The following C1QTNF9 variants were observed in gnomAD, a reference collection of about 807,000 sequenced individuals.
The protein encoded by C1QTNF9 is C1q and TNF related 9.
Under a neutral mutation model 10.1 loss-of-function variants are expected in C1QTNF9, and 6 were observed. The ratio of observed to expected loss-of-function variants is 0.59; its 90% CI spans 0.32 to 1.17. C1QTNF9 has a LOEUF of 1.17. Among genes scored for constraint, C1QTNF9 ranks in the 50% most tolerant of loss-of-function variants. The pLI, the probability that C1QTNF9 is intolerant of heterozygous loss-of-function variation, is 0.04. For missense variants in C1QTNF9, 201 were observed against 418.8 expected, an observed-to-expected ratio of 0.48 and a Z score of 4.54; for synonymous variants, 98 against 163.5, an observed-to-expected ratio of 0.60 and a Z score of 3.06.
At chr13:24,314,415 G>A (rs927105152) in intron 1 of C1QTNF9, among the ~76,000 whole-genome samples, 25 of 152,134 alleles carry the variant, frequency 1.6e-4, no homozygotes, top group Admixed American at 5.2e-4. Context: ...ATAGGCAATG[G>A]CTCATGCCTG....
At chr13:24,318,056 C>T (rs1052911917) in intron 2 of C1QTNF9, among the ~76,000 whole-genome samples, 3 of 152,194 alleles carry the variant, frequency 2.0e-5, no homozygotes, top group African/African-American at 4.8e-5. Context: ...ACAGCCACGT[C>T]AGTGGGTCTG....
intron 1 of C1QTNF9, among the ~76,000 whole-genome samples, chr13:24,313,633 C>T (rs1283305343): frequency 6.6e-6 from 1 of 152,178 alleles, no homozygotes; most frequent in Admixed American, 6.5e-5. Context: ...ACTCCATTTG[C>T]ATTAGACTGC....
intron 2 of C1QTNF9, among the ~76,000 whole-genome samples, chr13:24,316,968 AC>A (rs1404898007): frequency 1.3e-5 from 2 of 152,152 alleles, no homozygotes; most frequent in Non-Finnish European, 2.9e-5. Context: ...ACTTCTATGG[AC>A]CTTTTTAAAG....
chr13:24,316,546 T>C (rs1878046395), intron 2 of C1QTNF9, among the ~76,000 whole-genome samples: 1 of 152,202 alleles, frequency 6.6e-6, no homozygotes, highest in Non-Finnish European at 1.5e-5. Flanking sequence ...AAAAGGCTAA[T>C]AGAGAGATCT....
intron 1 of C1QTNF9, 62 bp downstream of exon 1, chr13:24,309,678 C>T (rs745416570): frequency 2.0e-5 from 3 of 152,100 alleles, no homozygotes; most frequent in East Asian, 1.9e-4. Flanking sequence ...CCTAAAACAA[C>T]GCTTATATTA....
chr13:24,318,870 G>T (rs1878144623), exon 3 of C1QTNF9: 1 of 1,614,098 alleles, frequency 6.2e-7, no homozygotes, highest in African/African-American at 1.3e-5. Flanking sequence ...GTGGAGAGAA[G>T]GGAGAACGAG....
In C1QTNF9 at chr13:24,319,071, G is replaced by T. The variant is rs548114315; in HGVS notation, c.229+191G>T. 2.6e-5 allele frequency among the ~76,000 whole-genome samples: 4 copies of T among 152,120 alleles called. No individual in the cohort carries two copies. In the East Asian group the frequency reaches 7.7e-4, roughly 29 times the overall value. On this transcript the variant is annotated intron_variant, in intron 3 of 3. Transcript: ENST00000332018. ...CTGGGTAGTAAATATTCTCAACTCCGCAGGCCATACAGATCTGTCACCACT... is the reference window on the plus strand; with the variant it reads ...CTGGGTAGTAAATATTCTCAACTCCTCAGGCCATACAGATCTGTCACCACT...
upstream of C1QTNF9, among the ~76,000 whole-genome samples, chr13:24,308,324 G>C (rs1442394704): frequency 6.6e-6 from 1 of 152,196 alleles, no homozygotes; most frequent in Non-Finnish European, 1.5e-5. Context: ...GGCCGCCTGC[G>C]GTGCAGGGGT....
At chr13:24,317,584 T>C (rs1878089903) in intron 2 of C1QTNF9, among the ~76,000 whole-genome samples, 1 of 151,108 alleles carries the variant, frequency 6.6e-6, no homozygotes. Context: ...TTGCTCACAC[T>C]AAAAATTTAC....
At chr13:24,321,615 T>C in exon 4 of C1QTNF9, 1 of 1,614,222 alleles carries the variant, frequency 6.2e-7, no homozygotes, top group Non-Finnish European at 8.5e-7. Flanking sequence ...ACATGAGCTC[T>C]GAGGACCAGG....
upstream of C1QTNF9, among the ~76,000 whole-genome samples, chr13:24,308,405 CAG>C (rs1354120585): frequency 2.0e-5 from 3 of 152,224 alleles, no homozygotes; most frequent in Non-Finnish European, 4.4e-5. Context: ...AGCTGGGACT[CAG>C]GGGCTCCTTG....
intron 1 of C1QTNF9, among the ~76,000 whole-genome samples, chr13:24,309,917 A>T (rs1469660684): frequency 5.3e-5 from 8 of 152,036 alleles, no homozygotes; most frequent in African/African-American, 1.5e-4. Context: ...TTTTTTTCAG[A>T]TGTAGTCTTG....
intron 3 of C1QTNF9, among the ~76,000 whole-genome samples, chr13:24,319,366 T>G (rs1173497102): frequency 6.6e-6 from 1 of 151,922 alleles, no homozygotes; most frequent in Non-Finnish European, 1.5e-5. Flanking sequence ...TAGTAAGACT[T>G]TGTCTATACA....
At chr13:24,321,764 C>A (rs530287667) in exon 4 of C1QTNF9, 226 of 1,559,940 alleles carry the variant, frequency 1.4e-4, no homozygotes, top group East Asian at 1.0e-3. Flanking sequence ...TTCAGCAGCC[C>A]GTGACAGAGG....
At chr13:24,309,249 C>T (rs1235323982), upstream of C1QTNF9, among the ~76,000 whole-genome samples, 1 of 132,900 alleles carries the variant, frequency 7.5e-6, no homozygotes, top group East Asian at 2.2e-4. Flanking sequence ...AACAAACCTG[C>T]ACGTTGTGCA....
At chr13:24,316,585 C>T (rs1247418291) in intron 2 of C1QTNF9, among the ~76,000 whole-genome samples, 4 of 152,228 alleles carry the variant, frequency 2.6e-5, no homozygotes, top group Non-Finnish European at 5.9e-5. Context: ...AGCAAGCACC[C>T]AGCTGCAGTG....
At chr13:24,321,968 T>C (rs1593538534) in exon 4 of C1QTNF9, 1 of 603,250 alleles carries the variant, frequency 1.7e-6, no homozygotes. Flanking sequence ...CTGCATGGTT[T>C]ATTCTAATTT....
chr13:24,319,833 A>G (rs1878179905), intron 3 of C1QTNF9, among the ~76,000 whole-genome samples: 1 of 152,118 alleles, frequency 6.6e-6, no homozygotes, highest in African/African-American at 2.4e-5. Flanking sequence ...GTACTGACTC[A>G]CTGAATGCAA....
At chr13:24,308,353 G>C (rs1877679854), upstream of C1QTNF9, among the ~76,000 whole-genome samples, 1 of 152,242 alleles carries the variant, frequency 6.6e-6, no homozygotes, top group Admixed American at 6.5e-5. Context: ...AGCCACGCGA[G>C]CAAGAGGGAG....
Sources: allele counts gnomAD v4.1 joint callset (sites outside exome capture counted in the v4.1 genomes callset), GRCh38; gene constraint gnomAD v4.1.1; transcripts MANE v1.5; gene names NCBI Gene and HGNC (gene_info 2026-07-23, HGNC 2026-07-21).